Variants in MDM4 observed in about 807,000 individuals in gnomAD.
MDM4 encodes MDM4 regulator of p53.
A neutral mutation model predicts 60.2 loss-of-function variants in MDM4; 2 were observed. The observed-to-expected ratio is 0.03, with a 90% CI of 0.01 to 0.10. The LOEUF is 0.10. Ranked by LOEUF, MDM4 falls within the 10% of genes least tolerant of loss-of-function variation. The pLI is 1.00. For missense variants in MDM4, 447 were observed against 577.5 expected (o/e 0.77, Z 2.32); for synonymous variants, 202 against 198.1 (o/e 1.02, Z -0.17).
chr1:204,538,258 ATATCCCCACACTGCC>A lies in MDM4; in HGVS notation c.464_478del (p.Ile155_Pro159del). ...TCCAGAAAAAGAACTACAGAAGACG[ATATCCCCACACTGCC>A]TACCTCAGAGCATAAATGCATACAT... On this transcript the variant is annotated inframe_deletion, in exon 7 of 11. Transcript: ENST00000367182. The A allele has an allele frequency of 6.2e-7, 1 of 1,612,002 alleles. No individual in the cohort carries two copies. Among genetic ancestry groups the A allele is most frequent in the Non-Finnish European group, 8.5e-7 (1 of 1,178,058 alleles).
intron 9 of MDM4, among the ~76,000 whole-genome samples, chr1:204,544,935 C>T (rs886683787): frequency 2.6e-5 from 4 of 152,236 alleles, no homozygotes; most frequent in African/African-American, 9.6e-5. Flanking sequence ...TACCTTTTCT[C>T]TCCCTTTGCT....
At chr1:204,546,971 C>T in intron 10 of MDM4, 94 bp downstream of exon 10, 2 of 704,522 alleles carry the variant, frequency 2.8e-6, no homozygotes, top group Admixed American at 5.6e-5. Context: ...GCTGTTTACC[C>T]CTCATTTCTG....
chr1:204,524,100 ACT>A (rs1659865011), intron 1 of MDM4, among the ~76,000 whole-genome samples: 2 of 152,168 alleles, frequency 1.3e-5, no homozygotes, highest in Non-Finnish European at 1.5e-5. Context: ...GGGGTTGTTT[ACT>A]GAAACGAGGG....
intron 5 of MDM4, chr1:204,532,512 G>T: frequency 1.8e-6 from 1 of 549,606 alleles, no homozygotes; most frequent in East Asian, 3.0e-5. Context: ...AAAATCTCTA[G>T]CAGATAAGGA....
intron 7 of MDM4, 89 bp from the exon 8 acceptor site, chr1:204,542,695 T>G: frequency 1.0e-6 from 1 of 980,138 alleles, no homozygotes; most frequent in Non-Finnish European, 1.5e-6. Flanking sequence ...TTTTTACCTA[T>G]TTTATAAAGA....
chr1:204,518,032 T>G (rs1443454015), intron 1 of MDM4, among the ~76,000 whole-genome samples: 2 of 152,052 alleles, frequency 1.3e-5, no homozygotes, highest in South Asian at 2.1e-4. Flanking sequence ...AGAGCGAGCT[T>G]CCAGTCCCAG....
chr1:204,546,917 T>C (rs754586841), intron 10 of MDM4, 40 bp downstream of exon 10: 2 of 1,256,732 alleles, frequency 1.6e-6, no homozygotes, highest in Non-Finnish European at 2.3e-6. Context: ...ACCAGCCCCA[T>C]CTTCAGATGA....
In MDM4 at chr1:204,551,034, T is replaced by TTTTTG. The variant is rs561149053; in HGVS notation, c.*1372_*1376dup. ...CTGGCACAGCCTTCAGAAGCATCAGTTTTTGTTTTGTTTTGTTTTGTTTTT... is the reference window on the plus strand; with the variant it reads ...CTGGCACAGCCTTCAGAAGCATCAGTTTTTGTTTTGTTTTGTTTTGTTTTGTTTTT... On this transcript the variant is annotated 3_prime_UTR_variant, in exon 11 of 11. Coordinates refer to ENST00000367182, the MANE Select transcript of MDM4 (RefSeq NM_002393.5). 1.6e-5 allele frequency: 3 copies of TTTTTG among 186,234 alleles called. No homozygotes were observed. The highest frequency in any genetic ancestry group is 2.3e-5 in the African/African-American group (1 of 42,628). 11.5% of individuals were successfully genotyped at this position (186,234 alleles called of 1,614,324 possible).
At position 204,550,268 on chromosome 1, in the gene MDM4, G is replaced by T. The variant is rs2102461908; in HGVS notation, c.*586G>T. The T allele has an allele frequency of 4.3e-6, 1 of 231,210 alleles. No individual in the cohort carries two copies. The highest frequency in any genetic ancestry group is 1.8e-4 in the South Asian group (1 of 5,504). 14.3% of individuals were successfully genotyped at this position (231,210 alleles called of 1,614,324 possible). ...GGCTCACTGCAGCCTTGGTTTCCTG[G>T]GCATAAGTGGTCTTCCCACTTCAGC... is the stretch of plus-strand genomic sequence containing the variant. On this transcript the variant is annotated 3_prime_UTR_variant, in exon 11 of 11. Coordinates refer to ENST00000367182, the MANE Select transcript of MDM4 (RefSeq NM_002393.5).
Position 204,549,850 on chromosome 1 carries a change from A to G in MDM4, c.*168A>G. On this transcript the variant is annotated 3_prime_UTR_variant, in exon 11 of 11. Coordinates refer to ENST00000367182, the MANE Select transcript of MDM4 (RefSeq NM_002393.5). ...GAGCTAACAATGAAGAACAGAAGTA[A>G]TCTGATTAGTCAAATTATTAAGTGC... is the stretch of plus-strand genomic sequence containing the variant. 1 of 517,652 alleles carries G rather than the reference A, an allele frequency of 1.9e-6. No individual in the cohort carries two copies. The highest frequency in any genetic ancestry group is 3.3e-6 in the Non-Finnish European group (1 of 298,860). The allele number at this position is 517,652 out of a possible 1,614,324, so 32.1% of individuals were successfully genotyped here.
In MDM4 at chr1:204,552,952, T is replaced by C. The variant is rs1199884147; in HGVS notation, c.*3270T>C. 9 of 161,660 alleles carry C rather than the reference T, an allele frequency of 5.6e-5. No homozygotes were observed. Among genetic ancestry groups the C allele is most frequent in the East Asian group, 1.3e-4 (1 of 7,604 alleles). The allele number at this position is 161,660 out of a possible 1,614,324, so 10.0% of individuals were successfully genotyped here. A position where few individuals can be genotyped will look rare whatever the true frequency, so the allele number is the denominator to read the frequency against. ...GTGCAGTGGAGTGATCTCGGCTCAC[T>C]GCAACCTCTGCCTCCCGGGTTCAAA... On this transcript the variant is annotated 3_prime_UTR_variant, in exon 11 of 11. Coordinates refer to ENST00000367182, the MANE Select transcript of MDM4 (RefSeq NM_002393.5).
intron 1 of MDM4, among the ~76,000 whole-genome samples, chr1:204,524,908 G>T (rs754419185): frequency 6.6e-6 from 1 of 151,962 alleles, no homozygotes; most frequent in Non-Finnish European, 1.5e-5. Flanking sequence ...TTCTTTGATG[G>T]TATATGTCCA....
chr1:204,530,485 T>C (rs1286847454), intron 3 of MDM4, among the ~76,000 whole-genome samples, 199 bp from the exon 4 acceptor site: 1 of 152,216 alleles, frequency 6.6e-6, no homozygotes, highest in East Asian at 1.9e-4. Context: ...GGTCTGTTAA[T>C]TGTCAGAAAG....
intron 7 of MDM4, among the ~76,000 whole-genome samples, chr1:204,539,524 T>TTTTTG (rs1553324511): frequency 2.0e-5 from 3 of 147,906 alleles, no homozygotes; most frequent in African/African-American, 7.3e-5. Context: ...TTGTTTTTTT[T>TTTTTG]TTTTGTTTTG....
At chr1:204,521,408 T>C (rs1347384109) in intron 1 of MDM4, among the ~76,000 whole-genome samples, 1 of 152,032 alleles carries the variant, frequency 6.6e-6, no homozygotes, top group East Asian at 1.9e-4. Flanking sequence ...GTTTTCTTTC[T>C]TTTTTTTAAG....
rs1285555121 is a variant in MDM4 at position 204,553,649 on chromosome 1, T to C, written c.*3967T>C. 1 of 227,744 alleles carries C rather than the reference T, an allele frequency of 4.4e-6. No homozygotes were observed. The highest frequency in any genetic ancestry group is 5.7e-5 in the Admixed American group (1 of 17,608). 14.1% of individuals were successfully genotyped at this position (227,744 alleles called of 1,614,324 possible). ...GTCAAATTAATATTTATGATTGTTATCTTGGGCGAAAAGTTCAGAGCAGAG... is the reference window on the plus strand; with the variant it reads ...GTCAAATTAATATTTATGATTGTTACCTTGGGCGAAAAGTTCAGAGCAGAG... On this transcript the variant is annotated 3_prime_UTR_variant, in exon 11 of 11. Coordinates refer to ENST00000367182, the MANE Select transcript of MDM4 (RefSeq NM_002393.5).
intron 2 of MDM4, 72 bp downstream of exon 2, chr1:204,525,668 A>G (rs1261292650): frequency 8.9e-6 from 9 of 1,010,882 alleles, no homozygotes; most frequent in Non-Finnish European, 1.3e-5. Flanking sequence ...TAGCTGTCTC[A>G]TGACTGTAAT....
chr1:204,520,702 C>G (rs1659487498), intron 1 of MDM4, among the ~76,000 whole-genome samples: 2 of 151,956 alleles, frequency 1.3e-5, no homozygotes. Flanking sequence ...ATAGCAAAAT[C>G]CTGTCTCTAC....
rs745829749 is a variant in MDM4, at chr1:204,549,265, G to A, written c.1056G>A (p.Lys352=). Residue 352 remains lysine (K), a synonymous_variant, in exon 11 of 11, where the codon AAG becomes AAA. Transcript: ENST00000367182. ...CTGATATCACTGCCATACCTGAAAA[G>A]GAAAATGAAGGAAATGATGTCCCTG... ...STSDITAIPE[K]ENEGNDVPDC... 8.7e-6 allele frequency: 14 copies of A among 1,614,150 alleles called. No individual in the cohort carries two copies. The highest frequency in any genetic ancestry group is 1.2e-5 in the Non-Finnish European group (14 of 1,180,026).
Sources: gnomAD v4.1 joint callset for allele counts (sites outside exome capture counted in the v4.1 genomes callset) on GRCh38, gnomAD v4.1.1 for gene constraint, MANE v1.5 for transcripts, NCBI Gene and HGNC (gene_info 2026-07-23, HGNC 2026-07-21) for gene names.